The following POLR3B variants were observed in gnomAD, a reference collection of about 807,000 sequenced individuals.
The protein encoded by POLR3B is DNA-directed RNA polymerase III subunit RPC2.
A neutral mutation model predicts 147.4 loss-of-function variants in POLR3B; 96 were observed. That is an observed-to-expected ratio of 0.65 (90% CI 0.55 to 0.77). POLR3B has a LOEUF of 0.77. POLR3B is among the 30% of genes least tolerant of loss of function. The probability of loss-of-function intolerance (pLI) is 0.00; values close to 1 mark genes in which losing one functional copy is unlikely to be tolerated. For missense variants in POLR3B, 1,036 were observed against 1,413.5 expected, an observed-to-expected ratio of 0.73 and a Z score of 4.28; for synonymous variants, 461 against 485.9, an observed-to-expected ratio of 0.95 and a Z score of 0.67.
chr12:106,373,193 A>G (rs570975297), intron 6 of POLR3B, among the ~76,000 whole-genome samples: 32 of 152,176 alleles, frequency 2.1e-4, no homozygotes, highest in African/African-American at 7.5e-4. Context: ...GTATGTTAAA[A>G]TCTCCCACTA....
intron 12 of POLR3B, among the ~76,000 whole-genome samples, chr12:106,421,824 C>G (rs1183292957): frequency 6.6e-6 from 1 of 152,032 alleles, no homozygotes; most frequent in Non-Finnish European, 1.5e-5. Context: ...CTCAGCCTCC[C>G]AAGTAGCTGG....
At chr12:106,424,129 C>T (rs148807114) in intron 12 of POLR3B, among the ~76,000 whole-genome samples, 3,913 of 152,178 alleles carry the variant, frequency 0.026, 177 homozygotes, top group African/African-American at 0.089. Flanking sequence ...GTTGGGATTA[C>T]AGGCGTGAGC....
intron 6 of POLR3B, among the ~76,000 whole-genome samples, chr12:106,372,892 A>G (rs1157156939): frequency 6.6e-6 from 1 of 152,208 alleles, no homozygotes; most frequent in East Asian, 1.9e-4. Flanking sequence ...TTCCCTTGGT[A>G]TAAAATGAGA....
chr12:106,464,936 A>AT (rs1160443852), intron 23 of POLR3B, among the ~76,000 whole-genome samples: 1 of 152,204 alleles, frequency 6.6e-6, no homozygotes, highest in African/African-American at 2.4e-5. Context: ...CAGAGGCAAG[A>AT]TTATTTTAGC....
chr12:106,424,044 A>G (rs2136950616), intron 12 of POLR3B, among the ~76,000 whole-genome samples: 1 of 151,988 alleles, frequency 6.6e-6, no homozygotes, highest in South Asian at 2.1e-4. Context: ...TTTAGTAGAG[A>G]TGGGGTTTCA....
intron 10 of POLR3B, among the ~76,000 whole-genome samples, chr12:106,401,490 C>G (rs2037066137): frequency 6.6e-6 from 1 of 152,310 alleles, no homozygotes; most frequent in South Asian, 2.1e-4. Context: ...GATACCAAAG[C>G]CTGGCAGAGC....
chr12:106,421,437 T>A (rs2037372595), intron 12 of POLR3B, among the ~76,000 whole-genome samples: 1 of 152,162 alleles, frequency 6.6e-6, no homozygotes, highest in South Asian at 2.1e-4. Context: ...TGACTTACTA[T>A]CAAACTTTTA....
intron 1 of POLR3B, among the ~76,000 whole-genome samples, chr12:106,358,852 C>T (rs2036426320): frequency 6.6e-6 from 1 of 152,150 alleles, no homozygotes; most frequent in Non-Finnish European, 1.5e-5. Flanking sequence ...TCTGACAGAG[C>T]TTGGACTTTG....
intron 27 of POLR3B, among the ~76,000 whole-genome samples, chr12:106,505,441 C>T (rs2038671277): frequency 6.6e-6 from 1 of 152,094 alleles, no homozygotes; most frequent in African/African-American, 2.4e-5. Context: ...GCTCACACCA[C>T]CACGCCTGAC....
rs746506474 is a variant in POLR3B, at chr12:106,430,351, G to T, written c.1342G>T (p.Ala448Ser). Residue 448 changes from alanine to serine, a missense_variant, in exon 14 of 28, where the codon GCA becomes TCA. Physicochemically the swap from Ala to Ser is moderately conservative, Grantham distance 99 (BLOSUM62 1). Coordinates refer to ENST00000228347, the MANE Select transcript of POLR3B (RefSeq NM_018082.6). ...GCTGTCTCGCTTGTCATATATATCC[G>T]CACTGGGCATGATGACAAGAATCTC... The part of the protein sequence containing the change: ...QVLSRLSYIS[A>S]LGMMTRISSQ... 23 of 1,613,858 alleles carry T rather than the reference G, an allele frequency of 1.4e-5. No homozygotes were observed. The South Asian group carries it at 2.1e-4, about 15-fold the overall frequency.
intron 12 of POLR3B, among the ~76,000 whole-genome samples, chr12:106,420,134 C>CT (rs2037356056): frequency 6.6e-6 from 1 of 152,062 alleles, no homozygotes; most frequent in Non-Finnish European, 1.5e-5. Context: ...CCTTAGTGAC[C>CT]TAGACTGAAA....
chr12:106,423,001 T>A (rs965590930), intron 12 of POLR3B, among the ~76,000 whole-genome samples: 4 of 152,210 alleles, frequency 2.6e-5, no homozygotes, highest in African/African-American at 9.6e-5. Flanking sequence ...TATAATTTTA[T>A]TCATGAGGGT....
chr12:106,498,582 G>GTTTTTTTTTT lies in POLR3B; in HGVS notation c.2984+1672_2984+1673insTTTTTTTTTT, dbSNP rs564316643. 3.4e-5 allele frequency among the ~76,000 whole-genome samples: 5 copies of GTTTTTTTTTT among 147,714 alleles called. 1 individual carries two copies. Among genetic ancestry groups the GTTTTTTTTTT allele is most frequent in the Non-Finnish European group, 3.0e-5 (2 of 66,878 alleles). On this transcript the variant is annotated intron_variant, in intron 25 of 27. Coordinates refer to ENST00000228347, the MANE Select transcript of POLR3B (RefSeq NM_018082.6). ...GAGTTTTTTTTGTTTTTTGGGGTTT[G>GTTTTTTTTTT]TTTTTTTTGTTTTTTTGAGACAGAG...
At chr12:106,425,932 C>A (rs1239901060) in intron 12 of POLR3B, among the ~76,000 whole-genome samples, 4 of 151,944 alleles carry the variant, frequency 2.6e-5, no homozygotes, top group Admixed American at 1.3e-4. Flanking sequence ...TGTCTGGTTT[C>A]TTTTGCTGAG....
chr12:106,375,377 A>C (rs1479824198), intron 6 of POLR3B, among the ~76,000 whole-genome samples: 2 of 152,206 alleles, frequency 1.3e-5, no homozygotes, highest in African/African-American at 4.8e-5. Context: ...GTCTTTAAAA[A>C]TTTATGGCTC....
At chr12:106,396,668 G>A (rs1436084890) in intron 10 of POLR3B, among the ~76,000 whole-genome samples, 1 of 152,222 alleles carries the variant, frequency 6.6e-6, no homozygotes, top group African/African-American at 2.4e-5. Flanking sequence ...CGGAGAGGAA[G>A]TGATACCTGA....
Position 106,509,662 on chromosome 12 carries a change from C to T in POLR3B, c.*113C>T. On this transcript the variant is annotated 3_prime_UTR_variant, in exon 28 of 28. Transcript: ENST00000228347. ...TGAAGAATTCCCTTGCGTATTCTCT[C>T]TCTAAAACAACCAAAAAAAAATGGA... is the stretch of plus-strand genomic sequence containing the variant. The T allele has an allele frequency of 3.0e-6, 3 of 1,004,760 alleles. No individual in the cohort carries two copies. The highest frequency in any genetic ancestry group is 2.0e-5 in the Admixed American group (1 of 49,182). The allele number at this position is 1,004,760 out of a possible 1,614,324, so 62.2% of individuals were successfully genotyped here. A position where few individuals can be genotyped will look rare whatever the true frequency, so the allele number is the denominator to read the frequency against.
chr12:106,401,439 G>A (rs1057030967), intron 10 of POLR3B, among the ~76,000 whole-genome samples: 8 of 152,112 alleles, frequency 5.3e-5, no homozygotes, highest in African/African-American at 1.2e-4. Context: ...AGAAAAAGAG[G>A]GAATCCTCCC....
At chr12:106,367,142 T>G (rs1593000279) in intron 4 of POLR3B, among the ~76,000 whole-genome samples, 2 of 152,332 alleles carry the variant, frequency 1.3e-5, no homozygotes, top group East Asian at 3.9e-4. Context: ...TTGTCTTTTA[T>G]TAACTATAAA....
Sources: allele counts gnomAD v4.1 joint callset (sites outside exome capture counted in the v4.1 genomes callset), GRCh38; gene constraint gnomAD v4.1.1; transcripts MANE v1.5; gene names NCBI Gene and HGNC (gene_info 2026-07-23, HGNC 2026-07-21).